The following SYT1 variants were observed in gnomAD, a reference collection of about 807,000 sequenced individuals.
The protein encoded by SYT1 is synaptotagmin-1.
SYT1 carries 8 observed loss-of-function variants against 44.8 expected under a neutral mutation model. That is an observed-to-expected ratio of 0.18 (90% CI 0.10 to 0.32). The LOEUF (loss-of-function observed/expected upper bound fraction) is 0.32. Among genes scored for constraint, SYT1 ranks in the 10% least tolerant of loss-of-function variants. The pLI is 1.00. For synonymous variants in SYT1, 154 were observed against 188.8 expected, an observed-to-expected ratio of 0.82 and a Z score of 1.51; for missense variants, 286 against 509.3, an observed-to-expected ratio of 0.56 and a Z score of 4.22.
At chr12:78,884,125 A>G (rs1874607632) in intron 1 of SYT1, among the ~76,000 whole-genome samples, 1 of 151,680 alleles carries the variant, frequency 6.6e-6, no homozygotes, top group Non-Finnish European at 1.5e-5. Context: ...TCTCTAACAG[A>G]AATATTTAAA....
intron 2 of SYT1, among the ~76,000 whole-genome samples, chr12:78,993,687 G>A (rs1325371891): frequency 6.6e-6 from 1 of 152,170 alleles, no homozygotes; most frequent in Non-Finnish European, 1.5e-5. Flanking sequence ...TGAACCATAT[G>A]AAATTGCTGA....
At chr12:79,319,899 G>C (rs1881273508) in intron 8 of SYT1, among the ~76,000 whole-genome samples, 2 of 152,140 alleles carry the variant, frequency 1.3e-5, no homozygotes, top group African/African-American at 2.4e-5. Flanking sequence ...GAGGAGCATG[G>C]AGTAGAATAT....
In SYT1 at chr12:79,254,311, A is replaced by G. The variant is rs145056068; in HGVS notation, c.167-31476A>G. Among the ~76,000 whole-genome samples the G allele has an allele frequency of 1.2e-4, 19 of 152,342 alleles. No homozygotes were observed. The East Asian group carries it at 3.1e-3, about 25-fold the overall frequency. On this transcript the variant is annotated intron_variant, in intron 4 of 10. Transcript: ENST00000261205. ...GACACAGCTACTCTTCCTATGTTCT[A>G]TAAATGGAACAACAAAGCTGGATGG...
At chr12:79,171,708 T>C (rs534692944) in intron 3 of SYT1, among the ~76,000 whole-genome samples, 1 of 152,104 alleles carries the variant, frequency 6.6e-6, no homozygotes, top group South Asian at 2.1e-4. Flanking sequence ...GAACCATAAG[T>C]TCTGGAGTTG....
At chr12:79,175,957 T>C (rs1488315386) in intron 3 of SYT1, among the ~76,000 whole-genome samples, 4 of 152,110 alleles carry the variant, frequency 2.6e-5, no homozygotes, top group African/African-American at 7.2e-5. Context: ...TTGATTATTT[T>C]CACACTATTG....
At chr12:78,912,567 A>G (rs996129713) in intron 1 of SYT1, among the ~76,000 whole-genome samples, 1 of 152,104 alleles carries the variant, frequency 6.6e-6, no homozygotes, top group Admixed American at 6.6e-5. Flanking sequence ...TAGGAAGTGT[A>G]TATAAATGAA....
chr12:79,325,405 CA>C (rs1337567968), intron 8 of SYT1, among the ~76,000 whole-genome samples: 1 of 152,150 alleles, frequency 6.6e-6, no homozygotes, highest in African/African-American at 2.4e-5. Flanking sequence ...TGTGGGAAAA[CA>C]AACAATTTGG....
At chr12:79,389,103 G>T (rs1884554198) in intron 9 of SYT1, among the ~76,000 whole-genome samples, 1 of 152,142 alleles carries the variant, frequency 6.6e-6, no homozygotes, top group African/African-American at 2.4e-5. Context: ...ACTTACAACA[G>T]AATTATATGT....
intron 3 of SYT1, among the ~76,000 whole-genome samples, chr12:79,094,110 A>T (rs538372580): frequency 8.6e-5 from 13 of 151,900 alleles, no homozygotes; most frequent in African/African-American, 3.1e-4. Context: ...TTATTTGGAA[A>T]TGATCTAATT....
intron 9 of SYT1, among the ~76,000 whole-genome samples, chr12:79,427,425 TA>T (rs1333186475): frequency 1.3e-5 from 2 of 152,182 alleles, no homozygotes; most frequent in Non-Finnish European, 2.9e-5. Flanking sequence ...ATGTATTCAT[TA>T]AAGAAGTGAT....
intron 9 of SYT1, among the ~76,000 whole-genome samples, chr12:79,395,145 C>T (rs1308836689): frequency 6.6e-6 from 1 of 152,102 alleles, no homozygotes; most frequent in African/African-American, 2.4e-5. Flanking sequence ...CATGAATAAA[C>T]CATGGCTGCA....
chr12:79,031,854 GT>G (rs763328902), intron 2 of SYT1, among the ~76,000 whole-genome samples: 1 of 150,948 alleles, frequency 6.6e-6, no homozygotes, highest in African/African-American at 2.4e-5. Flanking sequence ...TCCTGTACCC[GT>G]TTTTTCTTTC....
intron 10 of SYT1, 110 bp downstream of exon 10, chr12:79,444,316 G>T: frequency 7.7e-7 from 1 of 1,305,040 alleles, no homozygotes; most frequent in South Asian, 1.4e-5. Context: ...CATTAGAACT[G>T]CCATTCTTTC....
chr12:79,333,876 A>T (rs772866272), intron 8 of SYT1, among the ~76,000 whole-genome samples: 2 of 152,190 alleles, frequency 1.3e-5, no homozygotes, highest in Non-Finnish European at 2.9e-5. Flanking sequence ...ATCATTTTTC[A>T]AACCTATTCA....
rs777547226 is a variant in SYT1, at chr12:79,292,104, C to G, written c.448C>G (p.Leu150Val). The G allele has an allele frequency of 6.2e-7, 1 of 1,613,968 alleles. No homozygotes were observed. Among genetic ancestry groups the G allele is most frequent in the Non-Finnish European group, 8.5e-7 (1 of 1,179,946 alleles). Residue 150 changes from leucine to valine, a missense_variant, in exon 6 of 11, where the codon CTG becomes GTG. By Grantham distance (32) the Leu-to-Val change is conservative. Around this residue, in one of 6 missense-constraint regions of SYT1, gnomAD observed 81 missense variants for 164.9 expected, o/e 0.49. Coordinates refer to ENST00000261205, the MANE Select transcript of SYT1 (RefSeq NM_005639.3). ...GAAACTGGGAAAACTTCAGTATTCA[C>G]TGGATTATGATTTCCAAAATAACCA... ...EEKLGKLQYS[L>V]DYDFQNNQLL...
At chr12:79,349,637 G>C (rs1373325868) in intron 8 of SYT1, among the ~76,000 whole-genome samples, 2 of 152,122 alleles carry the variant, frequency 1.3e-5, no homozygotes, top group South Asian at 2.1e-4. Context: ...AAATTGTCAA[G>C]GAGCAGCAAG....
intron 1 of SYT1, among the ~76,000 whole-genome samples, chr12:78,911,905 T>C (rs967289833): frequency 3.3e-5 from 5 of 151,992 alleles, no homozygotes; most frequent in Non-Finnish European, 7.4e-5. Flanking sequence ...AATTACTAAA[T>C]GTGATGAATA....
At chr12:79,216,330 G>A (rs544807564) in intron 3 of SYT1, among the ~76,000 whole-genome samples, 2 of 152,300 alleles carry the variant, frequency 1.3e-5, no homozygotes, top group African/African-American at 4.8e-5. Flanking sequence ...TTAAGAACGT[G>A]AAGTGAATCC....
At chr12:79,141,679 A>C (rs1218837567) in intron 3 of SYT1, among the ~76,000 whole-genome samples, 2 of 152,216 alleles carry the variant, frequency 1.3e-5, no homozygotes. Flanking sequence ...AGACATGAAA[A>C]ACAAGATGAT....
Sources: allele counts gnomAD v4.1 joint callset (sites outside exome capture counted in the v4.1 genomes callset), GRCh38; gene constraint gnomAD v4.1.1; regional missense constraint gnomAD v4.1.1; transcripts MANE v1.5; gene names NCBI Gene and HGNC (gene_info 2026-07-23, HGNC 2026-07-21).